ANK3: variants seen among roughly 807,000 people sequenced by gnomAD.
ANK3 encodes ankyrin 3.
A neutral mutation model predicts 370.9 loss-of-function variants in ANK3; 57 were observed. That is an observed-to-expected ratio of 0.15 (90% CI 0.12 to 0.19). ANK3 has a LOEUF of 0.19. Among genes scored for constraint, ANK3 ranks in the 10% least tolerant of loss-of-function variants. The pLI is 1.00. For missense variants in ANK3, 4,439 were observed against 5,302.1 expected, an observed-to-expected ratio of 0.84 and a Z score of 5.06; for synonymous variants, 1,929 against 1,946.3, an observed-to-expected ratio of 0.99 and a Z score of 0.23.
intron 2 of ANK3, among the ~76,000 whole-genome samples, chr10:60,417,654 G>A (rs1311795733): frequency 6.6e-6 from 1 of 152,186 alleles, no homozygotes; most frequent in Non-Finnish European, 1.5e-5. Flanking sequence ...AATTGCTGTG[G>A]TTTTCATGGA....
At chr10:60,293,581 G>A (rs1042379569) in intron 1 of ANK3, among the ~76,000 whole-genome samples, 1 of 151,852 alleles carries the variant, frequency 6.6e-6, no homozygotes, top group Non-Finnish European at 1.5e-5. Context: ...GGGTTCCCTG[G>A]CTTTAATGTT....
intron 2 of ANK3, among the ~76,000 whole-genome samples, chr10:60,448,646 G>A (rs1161166259): frequency 6.6e-6 from 1 of 152,186 alleles, no homozygotes; most frequent in African/African-American, 2.4e-5. Flanking sequence ...CATCAGTTTA[G>A]AGCGACTCCC....
At chr10:60,534,167 C>T (rs1369883432) in intron 2 of ANK3, among the ~76,000 whole-genome samples, 1 of 152,076 alleles carries the variant, frequency 6.6e-6, no homozygotes, top group Non-Finnish European at 1.5e-5. Flanking sequence ...AGCTAGAGAC[C>T]TCTGTGGTTC....
At chr10:60,113,656 G>C (rs1036954232) in intron 26 of ANK3, among the ~76,000 whole-genome samples, 8 of 152,290 alleles carry the variant, frequency 5.3e-5, no homozygotes, top group African/African-American at 1.9e-4. Context: ...GTTTCAGTAA[G>C]CTAAGACTGC....
chr10:60,389,880 T>C, upstream of ANK3: 3 of 1,050,314 alleles, frequency 2.9e-6, no homozygotes, highest in Non-Finnish European at 3.4e-6. Context: ...TCTAAGTGAT[T>C]CCTCGGAAGG....
chr10:60,149,527 G>A (rs776308266), intron 23 of ANK3, among the ~76,000 whole-genome samples: 11 of 152,262 alleles, frequency 7.2e-5, no homozygotes, highest in Non-Finnish European at 1.2e-4. Context: ...ATTCCTTGGC[G>A]TCTGTTAAAT....
intron 7 of ANK3, among the ~76,000 whole-genome samples, chr10:60,241,225 T>C (rs1298697060): frequency 6.6e-6 from 1 of 152,218 alleles, no homozygotes; most frequent in Non-Finnish European, 1.5e-5. Flanking sequence ...GAATTAAAGA[T>C]CTATATGCAC....
In ANK3 at chr10:60,196,175, G is replaced by A. The variant is rs561090388; in HGVS notation, c.1857C>T (p.Asp619=). 6.2e-7 allele frequency: 1 copy of A among 1,613,902 alleles called. No individual in the cohort carries two copies. Among genetic ancestry groups the A allele is most frequent in the South Asian group, 1.1e-5 (1 of 91,076 alleles). ...CGGCTGCGTGAGGTGAGGCTCCTTG[G>A]TCCAAAAGCAGAAGGGCCACTTTCT... ...DNQKVALLLL[D]QGASPHAAAK... Residue 619 remains aspartate (D), a synonymous_variant, in exon 16 of 44, where the codon GAC becomes GAT. Coordinates refer to ENST00000280772, the MANE Select transcript of ANK3 (RefSeq NM_020987.5).
chr10:60,219,764 C>T (rs948442243), intron 8 of ANK3, among the ~76,000 whole-genome samples: 1 of 152,136 alleles, frequency 6.6e-6, no homozygotes, highest in Non-Finnish European at 1.5e-5. Flanking sequence ...TCAATACGTT[C>T]ATGTAACTTT....
At chr10:60,615,290 G>T in intron 1 of ANK3, 2 of 1,127,140 alleles carry the variant, frequency 1.8e-6, no homozygotes, top group Non-Finnish European at 2.5e-6. Flanking sequence ...CCATGACGGT[G>T]ATTTACACAT....
chr10:60,398,887 T>C (rs145979282), intron 2 of ANK3, among the ~76,000 whole-genome samples: 255 of 152,328 alleles, frequency 1.7e-3, no homozygotes, highest in African/African-American at 5.9e-3. Context: ...GTTCACTATG[T>C]CCAGTTCCTC....
chr10:60,341,383 G>A (rs1333432617), intron 1 of ANK3, among the ~76,000 whole-genome samples: 3 of 151,928 alleles, frequency 2.0e-5, no homozygotes, highest in African/African-American at 4.8e-5. Flanking sequence ...TTCATGCCTT[G>A]TCTTCTGATT....
intron 8 of ANK3, among the ~76,000 whole-genome samples, chr10:60,227,394 T>A (rs539409454): frequency 2.0e-5 from 3 of 152,186 alleles, no homozygotes; most frequent in Admixed American, 6.5e-5. Context: ...TTGTGTGATA[T>A]GACTCTGTGT....
chr10:60,424,426 A>G (rs932661544), intron 2 of ANK3, among the ~76,000 whole-genome samples: 1 of 152,122 alleles, frequency 6.6e-6, no homozygotes, highest in Non-Finnish European at 1.5e-5. Flanking sequence ...TAGTATAGAC[A>G]GTATTCAAAG....
chr10:60,424,707 T>C (rs139066730), intron 2 of ANK3, among the ~76,000 whole-genome samples: 17 of 152,180 alleles, frequency 1.1e-4, no homozygotes, highest in Admixed American at 7.9e-4. Context: ...TTGGGAAAGA[T>C]AGTGAGTTGC....
At chr10:60,237,970 T>C (rs2097360413) in intron 7 of ANK3, among the ~76,000 whole-genome samples, 1 of 152,184 alleles carries the variant, frequency 6.6e-6, no homozygotes, top group African/African-American at 2.4e-5. Flanking sequence ...CTCTAGACCC[T>C]CAGGCTGTGG....
intron 11 of ANK3, among the ~76,000 whole-genome samples, chr10:60,203,875 T>G (rs1478182200): frequency 6.6e-6 from 1 of 152,206 alleles, no homozygotes; most frequent in Admixed American, 6.5e-5. Flanking sequence ...TCTCAAGTCA[T>G]TAATATTTTA....
intron 17 of ANK3, among the ~76,000 whole-genome samples, chr10:60,182,462 T>G (rs1371719951): frequency 6.6e-6 from 1 of 152,254 alleles, no homozygotes; most frequent in Non-Finnish European, 1.5e-5. Flanking sequence ...CTTTAAATTG[T>G]AAAGCATTTT....
chr10:60,059,184 C>T, intron 41 of ANK3, 156 bp downstream of exon 41: 4 of 595,776 alleles, frequency 6.7e-6, no homozygotes, highest in Non-Finnish European at 1.2e-5. Flanking sequence ...ATTCACTTTC[C>T]TTTCCAGATT....
Sources: allele counts gnomAD v4.1 joint callset (sites outside exome capture counted in the v4.1 genomes callset), GRCh38; gene constraint gnomAD v4.1.1; transcripts MANE v1.5; gene names NCBI Gene and HGNC (gene_info 2026-07-23, HGNC 2026-07-21).